Variants in CCDC7 observed in about 807,000 individuals in gnomAD.
CCDC7 encodes coiled-coil domain-containing protein 7.
In CCDC7, 183 loss-of-function variants were observed where a neutral mutation model predicts 196.9. The ratio of observed to expected loss-of-function variants is 0.93; its 90% confidence interval spans 0.82 to 1.05. The LOEUF (loss-of-function observed/expected upper bound fraction) is 1.05. Ranked by LOEUF, CCDC7 falls within the 50% of genes least tolerant of loss-of-function variation. The pLI, the probability that CCDC7 is intolerant of heterozygous loss-of-function variation, is 0.00. For synonymous variants in CCDC7, 525 were observed against 484.6 expected, an observed-to-expected ratio of 1.08 and a Z score of -1.10; for missense variants, 1,540 against 1,482.2, an observed-to-expected ratio of 1.04 and a Z score of -0.64.
chr10:32,627,817 A>G (rs1229204678), intron 18 of CCDC7, among the ~76,000 whole-genome samples: 1 of 151,906 alleles, frequency 6.6e-6, no homozygotes, highest in African/African-American at 2.4e-5. Context: ...TATCACATTT[A>G]TTGATTTGTA....
intron 28 of CCDC7, among the ~76,000 whole-genome samples, chr10:32,742,165 C>A (rs2085964325): frequency 6.6e-6 from 1 of 152,012 alleles, no homozygotes; most frequent in Admixed American, 6.6e-5. Flanking sequence ...ATTAAATATT[C>A]CATTTTTATA....
chr10:32,481,030 A>G (rs952713689), intron 8 of CCDC7, among the ~76,000 whole-genome samples: 1 of 152,094 alleles, frequency 6.6e-6, no homozygotes, highest in South Asian at 2.1e-4. Context: ...AGGTGTTGCA[A>G]TGTTGGGTGT....
intron 21 of CCDC7, among the ~76,000 whole-genome samples, chr10:32,673,229 G>A (rs1385605268): frequency 1.3e-5 from 2 of 151,992 alleles, no homozygotes; most frequent in Non-Finnish European, 2.9e-5. Context: ...GAAGTATGAT[G>A]CCTCCAGTTT....
At chr10:32,855,199 T>C (rs1206617766) in intron 41 of CCDC7, among the ~76,000 whole-genome samples, 1 of 133,548 alleles carries the variant, frequency 7.5e-6, no homozygotes, top group Non-Finnish European at 1.8e-5. Flanking sequence ...TACAGAAAAA[T>C]GTAAGTTTTT....
intron 3 of CCDC7, among the ~76,000 whole-genome samples, chr10:32,459,541 G>A (rs1317876054): frequency 4.6e-5 from 7 of 151,152 alleles, no homozygotes; most frequent in Non-Finnish European, 1.0e-4. Flanking sequence ...TGGTGTTCAA[G>A]CCACATTTTA....
At chr10:32,800,943 G>A (rs1592894580) in intron 29 of CCDC7, among the ~76,000 whole-genome samples, 1 of 152,202 alleles carries the variant, frequency 6.6e-6, no homozygotes, top group East Asian at 1.9e-4. Flanking sequence ...GCCAATGCCA[G>A]AGCTCTACAT....
At chr10:32,603,321 T>C (rs1206675947) in intron 18 of CCDC7, among the ~76,000 whole-genome samples, 1 of 152,208 alleles carries the variant, frequency 6.6e-6, no homozygotes, top group African/African-American at 2.4e-5. Flanking sequence ...ATTGTGGATA[T>C]GTACCATGTT....
chr10:32,604,265 C>A (rs1413043461), intron 18 of CCDC7, among the ~76,000 whole-genome samples: 1 of 152,054 alleles, frequency 6.6e-6, no homozygotes, highest in East Asian at 1.9e-4. Flanking sequence ...AGCTTTACTT[C>A]TGGGTTCTCT....
chr10:32,622,443 TG>T lies in CCDC7; in HGVS notation c.1802-11810del, dbSNP rs2063519138. 2.0e-5 allele frequency among the ~76,000 whole-genome samples: 3 copies of T among 151,934 alleles called. 1 individual carries two copies. In the South Asian group the frequency reaches 6.2e-4, roughly 31 times the overall value. On this transcript the variant is annotated intron_variant, in intron 18 of 41. Coordinates refer to ENST00000639629, the Ensembl canonical transcript of CCDC7. ...TTGGGCAGCAATTTAGATAATAGACTGAAGGGGCAAATTTGTAGTTAAGAAT... is the reference window on the plus strand; with the variant it reads ...TTGGGCAGCAATTTAGATAATAGACTAAGGGGCAAATTTGTAGTTAAGAAT...
At chr10:32,711,857 CTAACA>C (rs977738159) in intron 25 of CCDC7, 127 bp downstream of exon 26, 16 of 464,756 alleles carry the variant, frequency 3.4e-5, no homozygotes, top group Non-Finnish European at 1.5e-5. Flanking sequence ...TGTAAATACT[CTAACA>C]TAACTCAAGA....
At chr10:32,512,339 G>T (rs2046345471) in intron 9 of CCDC7, 1 of 152,360 alleles carries the variant, frequency 6.6e-6, no homozygotes, top group South Asian at 2.1e-4. Flanking sequence ...GGGAGGCATA[G>T]ATGTTACAAG....
At chr10:32,608,456 G>A (rs1488042331) in intron 18 of CCDC7, among the ~76,000 whole-genome samples, 1 of 151,850 alleles carries the variant, frequency 6.6e-6, no homozygotes, top group Non-Finnish European at 1.5e-5. Flanking sequence ...TTTCCTCTTA[G>A]TACTGCTTTT....
chr10:32,520,048 A>G (rs1259594407), intron 11 of CCDC7, among the ~76,000 whole-genome samples: 1 of 152,030 alleles, frequency 6.6e-6, no homozygotes, highest in East Asian at 1.9e-4. Context: ...AAATGACACA[A>G]TCTCCTTTTT....
chr10:32,661,203 C>CA (rs1215027653), intron 20 of CCDC7, among the ~76,000 whole-genome samples: 2 of 150,172 alleles, frequency 1.3e-5, no homozygotes, highest in African/African-American at 2.5e-5. Flanking sequence ...TTTATGCAGC[C>CA]AAAAAACACA....
At chr10:32,652,109 T>TA (rs1283818032) in intron 20 of CCDC7, among the ~76,000 whole-genome samples, 1 of 152,168 alleles carries the variant, frequency 6.6e-6, no homozygotes, top group African/African-American at 2.4e-5. Flanking sequence ...TGTGTGTACA[T>TA]ATATTTATAA....
At chr10:32,876,991 T>C (rs1331202398), downstream of CCDC7, 1 of 152,106 alleles carries the variant, frequency 6.6e-6, no homozygotes, top group East Asian at 1.9e-4. Context: ...AATATTCTTT[T>C]ATGCCTTAAA....
chr10:32,809,800 C>G (rs1230307632), intron 30 of CCDC7, among the ~76,000 whole-genome samples: 2 of 152,142 alleles, frequency 1.3e-5, no homozygotes, highest in African/African-American at 4.8e-5. Flanking sequence ...CTAGTTCAAC[C>G]ATTGTGGAAG....
intron 24 of CCDC7, among the ~76,000 whole-genome samples, chr10:32,705,839 A>G (rs2079638094): frequency 6.6e-6 from 1 of 152,090 alleles, no homozygotes; most frequent in East Asian, 1.9e-4. Flanking sequence ...GAGACCTACA[A>G]AGAGACTTAG....
At chr10:32,486,396 C>T (rs1437625290) in intron 8 of CCDC7, among the ~76,000 whole-genome samples, 1 of 151,490 alleles carries the variant, frequency 6.6e-6, no homozygotes, top group Non-Finnish European at 1.5e-5. Flanking sequence ...TGTGTCTCTG[C>T]ACGTGAGATG....
Sources: gnomAD v4.1 joint callset for allele counts (sites outside exome capture counted in the v4.1 genomes callset) on GRCh38, gnomAD v4.1.1 for gene constraint, MANE v1.5 for transcripts, NCBI Gene and HGNC (gene_info 2026-07-23, HGNC 2026-07-21) for gene names.